The following LRRC4C variants were observed in gnomAD, a reference collection of about 807,000 sequenced individuals.
LRRC4C encodes leucine rich repeat containing 4C.
Under a neutral mutation model 33.6 loss-of-function variants are expected in LRRC4C, and 5 were observed. The observed-to-expected ratio is 0.15, with a 90% CI of 0.08 to 0.31. The LOEUF (loss-of-function observed/expected upper bound fraction) is 0.31, where lower values mean the gene tolerates loss of function less well. Ranked by LOEUF, LRRC4C falls within the 10% of genes least tolerant of loss-of-function variation. The pLI, the probability that LRRC4C is intolerant of heterozygous loss-of-function variation, is 1.00. For missense variants in LRRC4C, 560 were observed against 796.7 expected, an observed-to-expected ratio of 0.70 and a Z score of 3.58; for synonymous variants, 329 against 302.0, an observed-to-expected ratio of 1.09 and a Z score of -0.93.
In LRRC4C at chr11:40,115,000, G is replaced by T. The variant is rs970904805; in HGVS notation, c.1293C>A (p.Ser431=). 3.1e-6 allele frequency: 5 copies of T among 1,614,172 alleles called. No individual in the cohort carries two copies. The highest frequency in any genetic ancestry group is 4.2e-6 in the Non-Finnish European group (5 of 1,180,030). Residue 431 remains serine, a synonymous_variant, in exon 7 of 7, where the codon TCC becomes TCA. Transcript: ENST00000528697. ...TGGCTGAAGCAGTAGTATTCCCAAC[G>T]GAATTACTCACCATACATGTGTACA... The part of the protein sequence containing the change: ...TGMYTCMVSN[S]VGNTTASATL...
chr11:40,250,070 A>G (rs1866663120), intron 4 of LRRC4C, among the ~76,000 whole-genome samples: 2 of 152,196 alleles, frequency 1.3e-5, no homozygotes, highest in African/African-American at 4.8e-5. Flanking sequence ...GTAAATGACT[A>G]GGAGAGATCA....
intron 6 of LRRC4C, among the ~76,000 whole-genome samples, chr11:40,129,388 T>C (rs1856488875): frequency 6.6e-6 from 1 of 152,144 alleles, no homozygotes; most frequent in South Asian, 2.1e-4. Context: ...GGTGATAAAG[T>C]CGGGGAGATT....
intron 1 of LRRC4C, among the ~76,000 whole-genome samples, chr11:40,979,765 T>A (rs1244332791): frequency 6.6e-6 from 1 of 152,220 alleles, no homozygotes; most frequent in Non-Finnish European, 1.5e-5. Flanking sequence ...TTTCACCTAA[T>A]GAAACATATT....
chr11:40,656,061 T>C (rs191111276), intron 2 of LRRC4C, among the ~76,000 whole-genome samples: 267 of 152,166 alleles, frequency 1.8e-3, no homozygotes, highest in Admixed American at 5.0e-3. Context: ...TCCCCCAACA[T>C]TGGGAATTAC....
At chr11:40,938,749 C>A (rs746406726) in intron 1 of LRRC4C, among the ~76,000 whole-genome samples, 2 of 152,116 alleles carry the variant, frequency 1.3e-5, no homozygotes, top group Non-Finnish European at 2.9e-5. Context: ...AGCTCAAGTT[C>A]CCACAACTCC....
intron 3 of LRRC4C, among the ~76,000 whole-genome samples, chr11:40,358,390 C>T (rs1947780973): frequency 6.6e-6 from 1 of 152,036 alleles, no homozygotes; most frequent in African/African-American, 2.4e-5. Context: ...AAGCAATCCT[C>T]TCACCTCAGC....
chr11:41,129,149 T>C (rs914316334), intron 1 of LRRC4C, among the ~76,000 whole-genome samples: 8 of 151,968 alleles, frequency 5.3e-5, no homozygotes, highest in Non-Finnish European at 1.0e-4. Context: ...TTCTCCTTGA[T>C]ATAATCAGAT....
chr11:40,276,850 A>G (rs534279887), intron 4 of LRRC4C, among the ~76,000 whole-genome samples: 1 of 152,112 alleles, frequency 6.6e-6, no homozygotes, highest in East Asian at 1.9e-4. Flanking sequence ...TGAAGGAGTA[A>G]GGAAACTGAT....
chr11:41,387,885 A>G (rs767326275), intron 1 of LRRC4C, among the ~76,000 whole-genome samples: 20 of 151,884 alleles, frequency 1.3e-4, no homozygotes, highest in Middle Eastern at 3.4e-3. Context: ...ACCTCAGTAG[A>G]TCACTTTTCT....
At chr11:41,220,833 C>T (rs1176820267) in intron 1 of LRRC4C, among the ~76,000 whole-genome samples, 1 of 152,074 alleles carries the variant, frequency 6.6e-6, no homozygotes, top group Non-Finnish European at 1.5e-5. Context: ...CATTTAACAA[C>T]TACTTTGTTC....
chr11:41,234,160 C>A (rs1379790762), intron 1 of LRRC4C, among the ~76,000 whole-genome samples: 1 of 151,988 alleles, frequency 6.6e-6, no homozygotes, highest in African/African-American at 2.4e-5. Flanking sequence ...TACCTCATAC[C>A]TGAACCATAC....
At chr11:41,138,209 C>T (rs1943350068) in intron 1 of LRRC4C, among the ~76,000 whole-genome samples, 1 of 152,208 alleles carries the variant, frequency 6.6e-6, no homozygotes, top group Admixed American at 6.5e-5. Flanking sequence ...AGCCTTATAA[C>T]AATTGCTGTG....
chr11:41,180,086 A>T (rs1053122460), intron 1 of LRRC4C, among the ~76,000 whole-genome samples: 1 of 152,206 alleles, frequency 6.6e-6, no homozygotes, highest in Non-Finnish European at 1.5e-5. Flanking sequence ...CTAATAGTTG[A>T]GTAGGAATTA....
intron 1 of LRRC4C, among the ~76,000 whole-genome samples, chr11:41,114,172 C>T (rs1941995357): frequency 6.6e-6 from 1 of 151,994 alleles, no homozygotes; most frequent in African/African-American, 2.4e-5. Flanking sequence ...TTCAGTATTA[C>T]ATTGTGACAG....
chr11:41,260,113 G>T (rs1948930430), intron 1 of LRRC4C, among the ~76,000 whole-genome samples: 1 of 151,960 alleles, frequency 6.6e-6, no homozygotes, highest in Non-Finnish European at 1.5e-5. Context: ...CTTTTTCATA[G>T]GGATATGCTG....
chr11:40,350,240 C>T (rs1373325027), intron 3 of LRRC4C, among the ~76,000 whole-genome samples: 1 of 152,024 alleles, frequency 6.6e-6, no homozygotes, highest in East Asian at 1.9e-4. Flanking sequence ...AGATTTAAGT[C>T]TTTAATCCAT....
At chr11:40,469,799 G>C (rs576280272) in intron 3 of LRRC4C, among the ~76,000 whole-genome samples, 64 of 152,098 alleles carry the variant, frequency 4.2e-4, no homozygotes, top group Non-Finnish European at 8.7e-4. Context: ...ACCAGAGCTC[G>C]GCAAAGCTGC....
chr11:41,189,499 T>A (rs1477718872), intron 1 of LRRC4C, among the ~76,000 whole-genome samples: 2 of 152,102 alleles, frequency 1.3e-5, no homozygotes, highest in Admixed American at 1.3e-4. Context: ...GAGATTGGAT[T>A]CCTGCAAAAT....
At chr11:41,265,198 A>G (rs1949109753) in intron 1 of LRRC4C, among the ~76,000 whole-genome samples, 1 of 152,150 alleles carries the variant, frequency 6.6e-6, no homozygotes, top group Non-Finnish European at 1.5e-5. Context: ...AGAGTATGTG[A>G]TATCTCTTTG....
Sources: allele counts gnomAD v4.1 joint callset (sites outside exome capture counted in the v4.1 genomes callset), GRCh38; gene constraint gnomAD v4.1.1; transcripts MANE v1.5; gene names NCBI Gene and HGNC (gene_info 2026-07-23, HGNC 2026-07-21).